Variants in TMEM33 observed in about 807,000 individuals in gnomAD.
TMEM33 encodes transmembrane protein 33.
A neutral mutation model predicts 29.7 loss-of-function variants in TMEM33; 16 were observed. That is an observed-to-expected ratio of 0.54 (90% CI 0.36 to 0.82). The LOEUF (loss-of-function observed/expected upper bound fraction) is 0.82. Ranked by LOEUF, TMEM33 falls within the 40% of genes least tolerant of loss-of-function variation. The pLI, the probability that TMEM33 is intolerant of heterozygous loss-of-function variation, is 0.00. For missense variants in TMEM33, 252 were observed against 295.3 expected (o/e 0.85, Z 1.08); for synonymous variants, 112 against 109.4 (o/e 1.02, Z -0.15).
rs1713331651 is a variant in TMEM33, at chr4:41,957,884, T to C, written c.*3685T>C. ...CCTCAGGTAGCCCCCCATTTTCACA[T>C]GATGTGTTTGAAGGTTAAATGCCAC... is the stretch of plus-strand genomic sequence containing the variant. On this transcript the variant is annotated 3_prime_UTR_variant, in exon 7 of 7. Transcript: ENST00000504986. 6.6e-6 allele frequency: 1 copy of C among 152,176 alleles called. No individual in the cohort carries two copies. Among genetic ancestry groups the C allele is most frequent in the Admixed American group, 6.5e-5 (1 of 15,268 alleles). 9.4% of individuals were successfully genotyped at this position (152,176 alleles called of 1,614,324 possible).
intron 3 of TMEM33, among the ~76,000 whole-genome samples, chr4:41,942,828 A>G (rs60519705): frequency 6.6e-6 from 1 of 152,222 alleles, no homozygotes; most frequent in Admixed American, 6.5e-5. Flanking sequence ...GAGAGTTTCA[A>G]TTGACTATAT....
upstream of TMEM33, chr4:41,935,382 G>T (rs933911065): frequency 2.6e-5 from 33 of 1,277,942 alleles, no homozygotes; most frequent in African/African-American, 4.6e-4. Context: ...GTGGCGCGAG[G>T]CAGGGAAGCC....
In TMEM33 at chr4:41,958,145, G is replaced by C. The variant is rs919321460; in HGVS notation, c.*3946G>C. 2 of 152,062 alleles carry C rather than the reference G, an allele frequency of 1.3e-5. No homozygotes were observed. Among genetic ancestry groups the C allele is most frequent in the African/African-American group, 4.8e-5 (2 of 41,362 alleles). The allele number at this position is 152,062 out of a possible 1,614,324, so 9.4% of individuals were successfully genotyped here. Reference sequence around the variant, plus strand: ...TCTCCTTCAGCCCTCCAAGTAGCTGGGGTTACAGGTGCCCGCCACCATGCC... The same window carrying C: ...TCTCCTTCAGCCCTCCAAGTAGCTGCGGTTACAGGTGCCCGCCACCATGCC... On this transcript the variant is annotated 3_prime_UTR_variant, in exon 7 of 7. Coordinates refer to ENST00000504986, the MANE Select transcript of TMEM33 (RefSeq NM_018126.3).
chr4:41,944,076 GT>G, intron 4 of TMEM33: 7 of 403,722 alleles, frequency 1.7e-5, no homozygotes, highest in South Asian at 3.3e-5. Context: ...AAATAGATCA[GT>G]TTTTTTGAAA....
chr4:41,943,796 T>A lies in TMEM33; in HGVS notation c.378T>A (p.Tyr126Ter). ...LLFSLLHAATYTKKVLDARGS... is the reference protein window; with the variant it reads ...LLFSLLHAAT ...TCTCTTTGCTTCATGCTGCCACATA[T>A]ACGAAAAAGGTCCTTGACGTAAGTA... Residue 126 changes from tyrosine (Y) to a stop codon, truncating the protein, a stop_gained, in exon 4 of 7, where the codon TAT becomes TAA. Transcript: ENST00000504986. LOFTEE classifies it high-confidence loss of function. The A allele has an allele frequency of 6.2e-7, 1 of 1,613,898 alleles. No homozygotes were observed. The highest frequency in any genetic ancestry group is 8.5e-7 in the Non-Finnish European group (1 of 1,179,914).
rs1347826390 is a variant in TMEM33 at position 41,954,185 on chromosome 4, C to T, written c.730C>T (p.Pro244Ser). The T allele has an allele frequency of 6.2e-6, 10 of 1,613,650 alleles. No homozygotes were observed. The highest frequency in any genetic ancestry group is 1.3e-5 in the African/African-American group (1 of 74,916). ...CATTGCCTTTATAAGCAGATTGGCA[C>T]CAACAGTTCCATAGTTTAACATCTA... The part of the protein sequence containing the change: ...QSIAFISRLA[P>S]TVP The change falls in exon 7 of 7, where the codon CCA becomes TCA. Residue 244 changes from proline (P) to serine (S), a missense_variant. Transcript: ENST00000504986.
At chr4:41,946,485 T>C (rs949534466) in intron 5 of TMEM33, among the ~76,000 whole-genome samples, 3 of 152,210 alleles carry the variant, frequency 2.0e-5, no homozygotes, top group Non-Finnish European at 4.4e-5. Flanking sequence ...TAGATTTCCT[T>C]ATAAATATAT....
At chr4:41,935,362 C>A (rs1712168190), upstream of TMEM33, 2 of 1,081,434 alleles carry the variant, frequency 1.8e-6, no homozygotes, top group African/African-American at 1.6e-5. Flanking sequence ...AGGGTGCATC[C>A]GGCCTGTGTG....
chr4:41,943,684 A>G, intron 3 of TMEM33, 63 bp from the exon 4 acceptor site: 1 of 1,434,880 alleles, frequency 7.0e-7, no homozygotes, highest in Non-Finnish European at 9.8e-7. Flanking sequence ...TGGACATAAT[A>G]CATAGTCTGT....
At chr4:41,946,528 C>T (rs1577652153) in intron 5 of TMEM33, among the ~76,000 whole-genome samples, 1 of 152,180 alleles carries the variant, frequency 6.6e-6, no homozygotes, top group East Asian at 1.9e-4. Context: ...GTGCTTTCTT[C>T]TGAGAACTCC....
intron 5 of TMEM33, among the ~76,000 whole-genome samples, chr4:41,945,131 G>A (rs575357697): frequency 6.6e-6 from 1 of 152,226 alleles, no homozygotes; most frequent in East Asian, 1.9e-4. Flanking sequence ...CTTATTCCTT[G>A]TGATTTATCA....
At chr4:41,949,988 G>A (rs1712967447) in intron 6 of TMEM33, among the ~76,000 whole-genome samples, 1 of 152,142 alleles carries the variant, frequency 6.6e-6, no homozygotes, top group African/African-American at 2.4e-5. Flanking sequence ...GCTAATTGCT[G>A]GAGCTAAGAT....
chr4:41,958,468 T>C lies in TMEM33; in HGVS notation c.*4269T>C, dbSNP rs754814564. On this transcript the variant is annotated 3_prime_UTR_variant, in exon 7 of 7. Transcript: ENST00000504986. ...AAGTGCCTACATCACCGAAACACAC[T>C]AATATAAAATTATCCTTTCTCCTTC... is the stretch of plus-strand genomic sequence containing the variant. The C allele has an allele frequency of 6.6e-6, 1 of 152,074 alleles. No individual in the cohort carries two copies. Among genetic ancestry groups the C allele is most frequent in the Non-Finnish European group, 1.5e-5 (1 of 68,040 alleles). 9.4% of individuals were successfully genotyped at this position (152,074 alleles called of 1,614,324 possible).
At chr4:41,936,534 C>T (rs1712242751) in intron 1 of TMEM33, among the ~76,000 whole-genome samples, 1 of 150,776 alleles carries the variant, frequency 6.6e-6, no homozygotes, top group Admixed American at 6.6e-5. Flanking sequence ...TAGAGCAAAA[C>T]CTTCTCTCAA....
At chr4:41,941,840 T>C (rs561599482) in intron 3 of TMEM33, among the ~76,000 whole-genome samples, 14 of 152,358 alleles carry the variant, frequency 9.2e-5, no homozygotes, top group Admixed American at 9.1e-4. Flanking sequence ...GCTTGATTAA[T>C]AACAGATAGG....
At chr4:41,949,475 T>C (rs1184410611) in intron 6 of TMEM33, 90 bp downstream of exon 6, 3 of 1,037,144 alleles carry the variant, frequency 2.9e-6, no homozygotes, top group African/African-American at 3.3e-5. Flanking sequence ...ACTTAGCTAA[T>C]GTGTTAGACT....
At chr4:41,944,624 G>A (rs540477584) in intron 4 of TMEM33, among the ~76,000 whole-genome samples, 169 bp from the exon 5 acceptor site, 1 of 152,218 alleles carries the variant, frequency 6.6e-6, no homozygotes, top group African/African-American at 2.4e-5. Flanking sequence ...AAAAAAGCAG[G>A]AAAATATACT....
At chr4:41,943,945 G>A in intron 4 of TMEM33, 131 bp downstream of exon 4, 2 of 752,702 alleles carry the variant, frequency 2.7e-6, no homozygotes, top group Non-Finnish European at 4.3e-6. Flanking sequence ...ATTATTTAGT[G>A]ATTTGAAAGT....
At chr4:41,935,616 G>GCT (rs907243339) in intron 1 of TMEM33, 87 bp downstream of exon 1, 1 of 1,346,962 alleles carries the variant, frequency 7.4e-7, no homozygotes, top group African/African-American at 1.4e-5. Flanking sequence ...CGTTCCAGAA[G>GCT]CTCAGTGCAT....
Sources: allele counts gnomAD v4.1 joint callset (sites outside exome capture counted in the v4.1 genomes callset), GRCh38; gene constraint gnomAD v4.1.1; transcripts MANE v1.5; gene names NCBI Gene and HGNC (gene_info 2026-07-23, HGNC 2026-07-21).